OTOF: variants seen among roughly 807,000 people sequenced by gnomAD.
OTOF encodes fer-1-like family member 2.
Under a neutral mutation model 236.8 loss-of-function variants are expected in OTOF, and 218 were observed. The ratio of observed to expected loss-of-function variants is 0.92; its 90% CI spans 0.82 to 1.03. OTOF has a LOEUF of 1.03. Ranked by LOEUF, OTOF falls within the 50% of genes least tolerant of loss-of-function variation. The pLI, the probability that OTOF is intolerant of heterozygous loss-of-function variation, is 0.00. For synonymous variants in OTOF, 1,041 were observed against 1,072.5 expected (o/e 0.97, Z 0.57); for missense variants, 2,590 against 2,694.4 (o/e 0.96, Z 0.86).
intron 2 of OTOF, among the ~76,000 whole-genome samples, chr2:26,535,166 G>A (rs1667040179): frequency 6.6e-6 from 1 of 152,202 alleles, no homozygotes; most frequent in African/African-American, 2.4e-5. Flanking sequence ...CAGGGGGTGT[G>A]GAGAGACTCC....
Position 26,473,902 on chromosome 2 carries a change from G to A in OTOF, c.3408+89C>T. On this transcript the variant is annotated intron_variant, in intron 27 of 46. Transcript: ENST00000272371. This position sits in a 1 kb window ranked among gnomAD's most constrained non-coding sequence, Gnocchi z 7.2. ...GGGTCTGCTGCTGGCTCCTGGTGAT[G>A]GTGGTGGGAGGGGGATGACAAGCCA... 6.5e-7 allele frequency: 1 copy of A among 1,543,450 alleles called. No homozygotes were observed. Among genetic ancestry groups the A allele is most frequent in the Non-Finnish European group, 8.9e-7 (1 of 1,117,584 alleles).
chr2:26,527,210 G>A (rs1194529394), intron 3 of OTOF, among the ~76,000 whole-genome samples: 4 of 152,204 alleles, frequency 2.6e-5, no homozygotes, highest in Admixed American at 1.3e-4. Context: ...ATACACAATC[G>A]ACGCTTAGTA....
At position 26,463,496 on chromosome 2, in the gene OTOF, G is replaced by A. The variant is rs138854968; in HGVS notation, c.5179C>T (p.Arg1727Trp). 3.0e-5 allele frequency: 48 copies of A among 1,605,090 alleles called. No individual in the cohort carries two copies. Among genetic ancestry groups the A allele is most frequent in the African/African-American group, 8.0e-5 (6 of 74,814 alleles). ...CAGGCCGCTCACTTCTTGGGCTTCC[G>A]AGGTGAGATGTCCAGAGGCGTCCCA... is the stretch of plus-strand genomic sequence containing the variant. Reference protein sequence around the residue: ...APGTPLDISPRKPKKYELRVI... With the variant: ...APGTPLDISPWKPKKYELRVI... The change falls in exon 41 of 47, where the codon CGG becomes TGG. Residue 1727 changes from arginine (R) to tryptophan (W), a missense_variant. Arg to Trp is a moderately radical substitution (Grantham distance 101). Around this residue, in one of 2 missense-constraint regions of OTOF, gnomAD observed 1,211 missense variants for 1,352.8 expected, o/e 0.90. Coordinates refer to ENST00000272371, the MANE Select transcript of OTOF (RefSeq NM_194248.3).
At chr2:26,498,499 TG>T (rs1207381627) in intron 8 of OTOF, among the ~76,000 whole-genome samples, 1 of 152,188 alleles carries the variant, frequency 6.6e-6, no homozygotes, top group Non-Finnish European at 1.5e-5. Flanking sequence ...TCCAGGGTTC[TG>T]GGGGAGGGGC....
chr2:26,476,378 A>G, intron 22 of OTOF, 61 bp from the exon 23 acceptor site: 1 of 1,506,368 alleles, frequency 6.6e-7, no homozygotes, highest in South Asian at 1.1e-5. Flanking sequence ...GAGGTGGGGA[A>G]GGGGCAGGGG....
Position 26,480,290 on chromosome 2 carries a change from C to T in OTOF, c.1825G>A (p.Glu609Lys). 8.1e-6 allele frequency: 13 copies of T among 1,610,488 alleles called. No individual in the cohort carries two copies. Among genetic ancestry groups the T allele is most frequent in the Non-Finnish European group, 1.0e-5 (12 of 1,177,670 alleles). ...ISESCAGKME[E>K]FFLFGAFLEA... ...AGGAAGGCTCCAAAGAGAAAGAATT[C>T]TTCCATTTTACCTGCACAGCTCTGT... Residue 609 changes from glutamate to lysine, a missense_variant, in exon 16 of 47, where the codon GAA (glutamate) becomes AAA (lysine). Physicochemically the swap from Glu to Lys is moderately conservative, Grantham distance 56 (BLOSUM62 1). This residue lies in a region of OTOF where 1,379 missense variants were observed against 1,341.6 expected (regional missense o/e 1.03). Coordinates refer to ENST00000272371, the MANE Select transcript of OTOF (RefSeq NM_194248.3).
In OTOF at chr2:26,473,401, C is replaced by G; in HGVS notation, c.3570+5G>C. On this transcript the variant is annotated splice_donor_5th_base_variant and intron_variant, in intron 28 of 46. Transcript: ENST00000272371. The surrounding 1 kb of genome is among the most constrained non-coding windows in gnomAD (Gnocchi z 7.2). The stretch of plus-strand genomic sequence containing the variant: ...AGGATGTCCTCCGCCAGGGCCTGCA[C>G]TCACCACTTCAAACCACTTGACGAG... 6.2e-7 allele frequency: 1 copy of G among 1,613,422 alleles called. No individual in the cohort carries two copies. The highest frequency in any genetic ancestry group is 8.5e-7 in the Non-Finnish European group (1 of 1,179,990).
At position 26,489,737 on chromosome 2, in the gene OTOF, A is replaced by G. The variant is rs1387323112; in HGVS notation, c.901T>C (p.Phe301Leu). 2 of 1,612,570 alleles carry G rather than the reference A, an allele frequency of 1.2e-6. No homozygotes were observed. Among genetic ancestry groups the G allele is most frequent in the South Asian group, 1.1e-5 (1 of 91,078 alleles). ...STNCPYYNEY[F>L]VFDFHVSPDV... ...GGAGAGACATGGAAGTCGAAGACGA[A>G]GTACTGGAGGGGGAAGGATCCAGGC... The change falls in exon 10 of 47, where the codon TTC becomes CTC. Residue 301 changes from phenylalanine to leucine, a missense_variant. By Grantham distance (22) the Phe-to-Leu change is conservative. This residue lies in a region of OTOF where 1,379 missense variants were observed against 1,341.6 expected (regional missense o/e 1.03). Coordinates refer to ENST00000272371, the MANE Select transcript of OTOF (RefSeq NM_194248.3).
At chr2:26,485,388 C>T (rs1224970467) in intron 11 of OTOF, among the ~76,000 whole-genome samples, 4 of 152,206 alleles carry the variant, frequency 2.6e-5, no homozygotes, top group African/African-American at 9.6e-5. Context: ...TCTCCATGCA[C>T]ACCTCCCATC....
In OTOF at chr2:26,477,047, G is replaced by A. The variant is rs1189405031; in HGVS notation, c.2524-4C>T. The A allele has an allele frequency of 6.4e-7, 1 of 1,559,792 alleles. No homozygotes were observed. The highest frequency in any genetic ancestry group is 8.7e-7 in the Non-Finnish European group (1 of 1,149,910). ...TGTCGGGAATGCTGTGCTGGGGCTG[G>A]GGGTTGGGGGGTGGCCAGGGGCAGT... On this transcript the variant is annotated splice_polypyrimidine_tract_variant and splice_region_variant and intron_variant, in intron 21 of 46. Coordinates refer to ENST00000272371, the MANE Select transcript of OTOF (RefSeq NM_194248.3). The surrounding 1 kb of genome is among the most constrained non-coding windows in gnomAD (Gnocchi z 4.7).
At chr2:26,466,930 G>C (rs1399735978) in intron 35 of OTOF, 79 bp from the exon 36 acceptor site, 1 of 1,594,546 alleles carries the variant, frequency 6.3e-7, no homozygotes, top group Non-Finnish European at 8.6e-7. Flanking sequence ...GCACCAGGAG[G>C]GCTGGACCCT....
intron 3 of OTOF, 135 bp downstream of exon 3, chr2:26,527,697 G>C: frequency 1.3e-6 from 1 of 745,832 alleles, no homozygotes; most frequent in Non-Finnish European, 2.5e-6. Flanking sequence ...GATTTCTTCG[G>C]TCTTTGAAGA....
At chr2:26,489,160 G>T in intron 11 of OTOF, 51 bp downstream of exon 11, 2 of 1,333,894 alleles carry the variant, frequency 1.5e-6, no homozygotes, top group Non-Finnish European at 1.1e-6. Flanking sequence ...CGTGCACCAC[G>T]CTCCCTGAGC....
chr2:26,556,737 G>A (rs140676932), intron 1 of OTOF, among the ~76,000 whole-genome samples: 289 of 152,238 alleles, frequency 1.9e-3, no homozygotes, highest in Non-Finnish European at 2.4e-3. Flanking sequence ...CAGCTCCTCC[G>A]TGAATGCCAC....
chr2:26,482,387 C>G lies in OTOF; in HGVS notation c.1579+19G>C. 1.2e-6 allele frequency: 2 copies of G among 1,611,866 alleles called. No homozygotes were observed. The highest frequency in any genetic ancestry group is 8.5e-7 in the Non-Finnish European group (1 of 1,179,212). Reference sequence around the variant, plus strand: ...CCACTCCCTCTGCCCCCCAGCACACCGGGTCTCCCGCTGCTGACCTTTGTC... The same window carrying G: ...CCACTCCCTCTGCCCCCCAGCACACGGGGTCTCCCGCTGCTGACCTTTGTC... On this transcript the variant is annotated intron_variant, in intron 14 of 46. Transcript: ENST00000272371.
chr2:26,529,688 C>G (rs1666894170), intron 2 of OTOF, among the ~76,000 whole-genome samples: 1 of 152,060 alleles, frequency 6.6e-6, no homozygotes, highest in South Asian at 2.1e-4. Context: ...TGGGCAGGGC[C>G]TGTCTCAGGA....
intron 1 of OTOF, among the ~76,000 whole-genome samples, chr2:26,545,159 A>G (rs1667301491): frequency 6.6e-6 from 1 of 152,190 alleles, no homozygotes; most frequent in Admixed American, 6.5e-5. Context: ...CATCCTCATC[A>G]ACATTTGATT....
At chr2:26,458,499 T>C (rs1337802590) in intron 46 of OTOF, among the ~76,000 whole-genome samples, 1 of 152,256 alleles carries the variant, frequency 6.6e-6, no homozygotes, top group Non-Finnish European at 1.5e-5. Context: ...CAGGCAGTTC[T>C]CATCGTTAGG....
In OTOF at chr2:26,472,276, T is replaced by G. The variant is rs199909044; in HGVS notation, c.3864+243A>C. On this transcript the variant is annotated intron_variant, in intron 30 of 46. Coordinates refer to ENST00000272371, the MANE Select transcript of OTOF (RefSeq NM_194248.3). ...ACATGCATGCACACACACATGCACA[T>G]ATGCACACCACACACATGCGCACAC... 125 of 562,050 alleles carry G rather than the reference T, an allele frequency of 2.2e-4. No homozygotes were observed. The East Asian group carries it at 3.8e-3, about 17-fold the overall frequency. The allele number at this position is 562,050 out of a possible 1,614,324, so 34.8% of individuals were successfully genotyped here.
Sources: allele counts gnomAD v4.1 joint callset (sites outside exome capture counted in the v4.1 genomes callset), GRCh38; gene constraint gnomAD v4.1.1; regional missense constraint gnomAD v4.1.1; non-coding constraint Gnocchi (gnomAD v3.1); transcripts MANE v1.5; gene names NCBI Gene and HGNC (gene_info 2026-07-23, HGNC 2026-07-21).